CNNM4: variants seen among roughly 807,000 people sequenced by gnomAD.
CNNM4 encodes the protein metal transporter CNNM4.
Under a neutral mutation model 53.7 loss-of-function variants are expected in CNNM4, and 32 were observed. That is an observed-to-expected ratio of 0.60 (90% CI 0.45 to 0.80). The LOEUF (loss-of-function observed/expected upper bound fraction) is 0.80. CNNM4 is among the 30% of genes least tolerant of loss of function. The probability of loss-of-function intolerance (pLI) is 0.00; values close to 1 mark genes in which losing one functional copy is unlikely to be tolerated. For missense variants in CNNM4, 784 were observed against 1,022.0 expected (o/e 0.77, Z 3.17); for synonymous variants, 410 against 440.0 (o/e 0.93, Z 0.85).
At chr2:96,793,663 A>G (rs567114386) in intron 1 of CNNM4, among the ~76,000 whole-genome samples, 1 of 152,318 alleles carries the variant, frequency 6.6e-6, no homozygotes, top group East Asian at 1.9e-4. Flanking sequence ...GGCTGTTTCC[A>G]CTATAAGAGA....
chr2:96,769,426 G>C (rs1272060613), intron 1 of CNNM4, among the ~76,000 whole-genome samples: 1 of 151,640 alleles, frequency 6.6e-6, no homozygotes, highest in Non-Finnish European at 1.5e-5. Flanking sequence ...AAAATTAGGC[G>C]TGGTGGTGGG....
At chr2:96,803,269 A>G (rs1046364654) in intron 5 of CNNM4, among the ~76,000 whole-genome samples, 2 of 152,120 alleles carry the variant, frequency 1.3e-5, no homozygotes, top group Non-Finnish European at 2.9e-5. Context: ...GTGTGCCCTC[A>G]TTGATTAATT....
chr2:96,802,805 C>T (rs2079171019), intron 5 of CNNM4, among the ~76,000 whole-genome samples: 1 of 152,200 alleles, frequency 6.6e-6, no homozygotes, highest in African/African-American at 2.4e-5. Context: ...GTGTCATGCT[C>T]CTGATGCCTG....
At chr2:96,806,535 A>ACG (rs1553479692) in intron 5 of CNNM4, among the ~76,000 whole-genome samples, 2,434 of 123,906 alleles carry the variant, frequency 0.02, 35 homozygotes, top group East Asian at 0.053. Context: ...ACACACACAC[A>ACG]CGCGCGCGCG....
chr2:96,786,237 C>T (rs938999894), intron 1 of CNNM4, among the ~76,000 whole-genome samples: 1 of 150,640 alleles, frequency 6.6e-6, no homozygotes, highest in Non-Finnish European at 1.5e-5. Flanking sequence ...GCCAACATGG[C>T]GAAACCCCGT....
At chr2:96,779,084 G>A (rs2078950895) in intron 1 of CNNM4, among the ~76,000 whole-genome samples, 1 of 152,096 alleles carries the variant, frequency 6.6e-6, no homozygotes, top group African/African-American at 2.4e-5. Flanking sequence ...AGCCTCTTGA[G>A]TAGATGGGAC....
intron 1 of CNNM4, among the ~76,000 whole-genome samples, chr2:96,790,661 T>C (rs2079054637): frequency 6.7e-6 from 1 of 150,260 alleles, no homozygotes. Context: ...GCCTAATGGA[T>C]GTGTTTTTTT....
rs577912902 is a variant in CNNM4 at position 96,773,261 on chromosome 2, T to G, written c.1402+10860T>G. On this transcript the variant is annotated intron_variant, in intron 1 of 6. Transcript: ENST00000377075. ...CTGCTAGTGATCTGGTCATCCACATTGAAGACTGTGTCCCCCTCAGACCTC... is the reference window on the plus strand; with the variant it reads ...CTGCTAGTGATCTGGTCATCCACATGGAAGACTGTGTCCCCCTCAGACCTC... 2.6e-5 allele frequency among the ~76,000 whole-genome samples: 4 copies of G among 152,346 alleles called. No homozygotes were observed. In the East Asian group the frequency reaches 5.8e-4, roughly 22 times the overall value.
At chr2:96,802,189 T>C (rs2079166134) in intron 5 of CNNM4, among the ~76,000 whole-genome samples, 1 of 150,218 alleles carries the variant, frequency 6.7e-6, no homozygotes, top group Non-Finnish European at 1.5e-5. Context: ...CACACACAGA[T>C]ACCACACACT....
chr2:96,786,576 C>G (rs2079018047), intron 1 of CNNM4, among the ~76,000 whole-genome samples: 1 of 151,326 alleles, frequency 6.6e-6, no homozygotes, highest in South Asian at 2.1e-4. Flanking sequence ...GTCAGGAGTT[C>G]CAGACCAACC....
At chr2:96,796,430 G>A (rs1455412830) in intron 1 of CNNM4, among the ~76,000 whole-genome samples, 1 of 152,036 alleles carries the variant, frequency 6.6e-6, no homozygotes, top group Non-Finnish European at 1.5e-5. Context: ...ACAGATGTGA[G>A]CCATTGCTCC....
At chr2:96,781,668 G>A (rs2078976948) in intron 1 of CNNM4, among the ~76,000 whole-genome samples, 1 of 152,152 alleles carries the variant, frequency 6.6e-6, no homozygotes, top group Non-Finnish European at 1.5e-5. Flanking sequence ...GGGGTCCAGA[G>A]TTTTTATCCA....
chr2:96,764,530 A>G (rs987278676), intron 1 of CNNM4, among the ~76,000 whole-genome samples: 2 of 151,904 alleles, frequency 1.3e-5, no homozygotes, highest in South Asian at 2.1e-4. Context: ...GCTTTATGCC[A>G]TCACTTACTT....
chr2:96,773,100 A>G (rs1374039052), intron 1 of CNNM4, among the ~76,000 whole-genome samples: 1 of 152,254 alleles, frequency 6.6e-6, no homozygotes, highest in East Asian at 1.9e-4. Context: ...GACTGTCACC[A>G]GGAGTCCTGC....
Position 96,761,690 on chromosome 2 carries a change from A to C in CNNM4, c.691A>C (p.Lys231Gln). 6.2e-7 allele frequency: 1 copy of C among 1,610,026 alleles called. No homozygotes were observed. The highest frequency in any genetic ancestry group is 8.5e-7 in the Non-Finnish European group (1 of 1,179,970). The change falls in exon 1 of 7, where the codon AAG becomes CAG. Residue 231 changes from lysine (K) to glutamine (Q), a missense_variant. Lys to Gln is a moderately conservative substitution (Grantham distance 53, BLOSUM62 1). This residue lies in a region of CNNM4 where 473 missense variants were observed against 624.6 expected (regional missense o/e 0.76). Coordinates refer to ENST00000377075, the MANE Select transcript of CNNM4 (RefSeq NM_020184.4). The surrounding 1 kb of genome is among the most constrained non-coding windows in gnomAD (Gnocchi z 6.0). Reference protein sequence around the residue: ...GTEKERRYARKIEPIRRKGNY... With the variant: ...GTEKERRYARQIEPIRRKGNY... ...CGAGAAGGAGAGGCGCTATGCCCGC[A>C]AGATTGAGCCCATCCGGCGCAAGGG...
intron 1 of CNNM4, among the ~76,000 whole-genome samples, chr2:96,787,029 G>T (rs1436589382): frequency 6.6e-6 from 1 of 152,138 alleles, no homozygotes; most frequent in African/African-American, 2.4e-5. Flanking sequence ...TACACAAATA[G>T]TGAATCACCG....
At chr2:96,765,066 T>TTTTTTTTTTG (rs2078803473) in intron 1 of CNNM4, among the ~76,000 whole-genome samples, 1 of 113,208 alleles carries the variant, frequency 8.8e-6, no homozygotes, top group African/African-American at 4.0e-5. Context: ...TTTTTTTTTT[T>TTTTTTTTTTG]GCTAAGAGAA....
intron 1 of CNNM4, among the ~76,000 whole-genome samples, chr2:96,765,024 GTTTTTTTTTTTTTTTTTTTTTTTTTTTT>G (rs1158502593): frequency 1.4e-4 from 6 of 41,560 alleles, no homozygotes; most frequent in East Asian, 1.6e-3. Flanking sequence ...GTTGGGAATG[GTTTTTTTTTTTTTTTTTTTTTTTTTTTT>G]TTTTTTTTTT....
intron 1 of CNNM4, among the ~76,000 whole-genome samples, chr2:96,795,266 ACC>A (rs1258268876): frequency 6.6e-6 from 1 of 152,144 alleles, no homozygotes; most frequent in Non-Finnish European, 1.5e-5. Flanking sequence ...CTGGGGGCGG[ACC>A]CCAGGGTCCC....
Sources: allele counts gnomAD v4.1 joint callset (sites outside exome capture counted in the v4.1 genomes callset), GRCh38; gene constraint gnomAD v4.1.1; regional missense constraint gnomAD v4.1.1; non-coding constraint Gnocchi (gnomAD v3.1); transcripts MANE v1.5; gene names NCBI Gene and HGNC (gene_info 2026-07-23, HGNC 2026-07-21).